Variants in ESR1 observed in about 807,000 individuals in gnomAD.
The protein encoded by ESR1 is estrogen receptor 1.
ESR1 carries 12 observed loss-of-function variants against 52.7 expected under a neutral mutation model. The observed-to-expected ratio is 0.23, with a 90% CI of 0.15 to 0.37. ESR1 has a LOEUF of 0.37. ESR1 is among the 10% of genes least tolerant of loss of function. The pLI, the probability that ESR1 is intolerant of heterozygous loss-of-function variation, is 1.00. For missense variants in ESR1, 584 were observed against 779.7 expected (o/e 0.75, Z 2.99); for synonymous variants, 305 against 316.8 (o/e 0.96, Z 0.39).
At chr6:151,696,282 C>T (rs956371998) in intron 1 of ESR1, among the ~76,000 whole-genome samples, 2 of 151,758 alleles carry the variant, frequency 1.3e-5, no homozygotes, top group African/African-American at 4.8e-5. Context: ...ACCAGCCTGG[C>T]CAACATAGTG....
At chr6:151,795,830 A>G (rs930037983) in intron 2 of ESR1, among the ~76,000 whole-genome samples, 12 of 152,192 alleles carry the variant, frequency 7.9e-5, no homozygotes, top group African/African-American at 2.9e-4. Flanking sequence ...TCCTCTGTGC[A>G]TGGAATACTA....
At chr6:151,683,912 C>G (rs1341375405) in intron 1 of ESR1, among the ~76,000 whole-genome samples, 2 of 148,006 alleles carry the variant, frequency 1.4e-5, no homozygotes, top group Non-Finnish European at 3.0e-5. Flanking sequence ...GGGATTTCAC[C>G]ATGTGGCCAG....
At chr6:151,903,868 T>A (rs965645013) in intron 3 of ESR1, among the ~76,000 whole-genome samples, 1 of 152,186 alleles carries the variant, frequency 6.6e-6, no homozygotes, top group Non-Finnish European at 1.5e-5. Context: ...ATTAAAAAAA[T>A]ATATTTATCT....
At chr6:152,076,135 T>G (rs1164666690) in intron 6 of ESR1, among the ~76,000 whole-genome samples, 1 of 152,186 alleles carries the variant, frequency 6.6e-6, no homozygotes, top group East Asian at 1.9e-4. Flanking sequence ...TCATCTTGAA[T>G]TTTACTCACA....
chr6:151,999,115 A>G (rs2041744215), intron 4 of ESR1, among the ~76,000 whole-genome samples: 1 of 152,082 alleles, frequency 6.6e-6, no homozygotes, highest in African/African-American at 2.4e-5. Flanking sequence ...ACCTCAGGCA[A>G]ATCTTTACAA....
intron 2 of ESR1, among the ~76,000 whole-genome samples, chr6:151,765,504 G>T (rs767818959): frequency 6.6e-6 from 1 of 152,168 alleles, no homozygotes; most frequent in African/African-American, 2.4e-5. Context: ...TTTTAAAGTG[G>T]ACACATTGTG....
chr6:151,739,787 A>G (rs1194645567), intron 2 of ESR1, among the ~76,000 whole-genome samples: 1 of 152,034 alleles, frequency 6.6e-6, no homozygotes, highest in Non-Finnish European at 1.5e-5. Context: ...AGCAATTTCT[A>G]TTTCTTTCAG....
chr6:151,820,896 A>G (rs1219336928), intron 1 of ESR1, among the ~76,000 whole-genome samples: 2 of 152,192 alleles, frequency 1.3e-5, no homozygotes, highest in Non-Finnish European at 2.9e-5. Context: ...ATTTCTTTGC[A>G]TGTGAAACCC....
intron 2 of ESR1, among the ~76,000 whole-genome samples, chr6:151,861,300 A>C (rs9340828): frequency 0.035 from 5,315 of 152,292 alleles, 285 homozygotes; most frequent in East Asian, 0.23. Flanking sequence ...AATAACCTTT[A>C]TAATTGCTAC....
chr6:151,778,108 G>A (rs1434934927), intron 2 of ESR1, among the ~76,000 whole-genome samples: 3 of 152,202 alleles, frequency 2.0e-5, no homozygotes, highest in Non-Finnish European at 4.4e-5. Context: ...ACTTTCTTCG[G>A]AAAATCACGA....
At chr6:151,964,164 G>T (rs1340449719) in intron 4 of ESR1, among the ~76,000 whole-genome samples, 1 of 152,136 alleles carries the variant, frequency 6.6e-6, no homozygotes, top group Non-Finnish European at 1.5e-5. Context: ...GTCTTTTGTG[G>T]TTCCATACAG....
In ESR1 at chr6:151,694,986, C is replaced by T. The variant is rs2115373003; in HGVS notation, c.-202+4322C>T. ...TGGAAGTGTGGGTGGGGAGTCTCCG[C>T]CTCCCAGCCATGTGGCAAAGCTGGA... On this transcript the variant is annotated intron_variant, in intron 1 of 2. Transcript: ENST00000404742. 1.3e-5 allele frequency among the ~76,000 whole-genome samples: 2 copies of T among 152,222 alleles called. 1 individual carries two copies. Among genetic ancestry groups the T allele is most frequent in the South Asian group, 4.2e-4 (2 of 4,808 alleles).
At chr6:151,898,552 T>C (rs867305480) in intron 3 of ESR1, among the ~76,000 whole-genome samples, 2 of 152,066 alleles carry the variant, frequency 1.3e-5, no homozygotes, top group Non-Finnish European at 2.9e-5. Flanking sequence ...TGCGGCCTTC[T>C]GCAGTTTTTG....
At chr6:152,049,568 A>G (rs2046504658) in intron 5 of ESR1, among the ~76,000 whole-genome samples, 1 of 152,224 alleles carries the variant, frequency 6.6e-6, no homozygotes, top group South Asian at 2.1e-4. Flanking sequence ...ACCAGCATGA[A>G]TGGAGAGGGT....
chr6:151,739,170 G>C (rs571716987), intron 2 of ESR1, among the ~76,000 whole-genome samples: 1 of 152,116 alleles, frequency 6.6e-6, no homozygotes, highest in African/African-American at 2.4e-5. Context: ...AAGTTTCTTA[G>C]TCTTGGTAAT....
chr6:151,712,074 T>G (rs1243463728), intron 2 of ESR1, among the ~76,000 whole-genome samples: 1 of 152,226 alleles, frequency 6.6e-6, no homozygotes, highest in Non-Finnish European at 1.5e-5. Flanking sequence ...CTCGCCAGTT[T>G]TCCCATCACC....
intron 6 of ESR1, among the ~76,000 whole-genome samples, chr6:152,112,518 C>T (rs1172526815): frequency 6.6e-6 from 1 of 152,146 alleles, no homozygotes; most frequent in Admixed American, 6.5e-5. Flanking sequence ...ACAATGCCCC[C>T]GGGATCCCAT....
intron 4 of ESR1, among the ~76,000 whole-genome samples, chr6:151,985,067 CCA>C (rs1388672746): frequency 6.6e-6 from 1 of 152,028 alleles, no homozygotes; most frequent in Non-Finnish European, 1.5e-5. Context: ...TGAATGTCCC[CCA>C]ACATAGAGTA....
chr6:151,811,185 A>G (rs959048834), intron 1 of ESR1: 7 of 152,212 alleles, frequency 4.6e-5, no homozygotes, highest in African/African-American at 1.7e-4. Context: ...CTCTGGACGC[A>G]TAATAATGTG....
Sources: gnomAD v4.1 joint callset for allele counts (sites outside exome capture counted in the v4.1 genomes callset) on GRCh38, gnomAD v4.1.1 for gene constraint, MANE v1.5 for transcripts, NCBI Gene and HGNC (gene_info 2026-07-23, HGNC 2026-07-21) for gene names.